NEK3: variants seen among roughly 807,000 people sequenced by gnomAD.
NEK3 encodes the protein serine/threonine-protein kinase Nek3.
In NEK3, 54 loss-of-function variants were observed where a neutral mutation model predicts 66.0. The observed-to-expected ratio is 0.82, with a 90% CI of 0.66 to 1.03. The LOEUF is 1.03. Among genes scored for constraint, NEK3 ranks in the 50% least tolerant of loss-of-function variants. NEK3 has a pLI of 0.00. For missense variants in NEK3, 593 were observed against 603.0 expected (o/e 0.98, Z 0.17); for synonymous variants, 200 against 206.2 (o/e 0.97, Z 0.26).
intron 8 of NEK3, among the ~76,000 whole-genome samples, chr13:52,146,116 C>T (rs1160631253): frequency 2.6e-5 from 4 of 151,940 alleles, no homozygotes; most frequent in Non-Finnish European, 4.4e-5. Flanking sequence ...TTCTGCTTGT[C>T]GAATCTTGCT....
chr13:52,157,935 T>A (rs779612540), intron 1 of NEK3, among the ~76,000 whole-genome samples: 6 of 152,248 alleles, frequency 3.9e-5, no homozygotes, highest in Non-Finnish European at 5.9e-5. Flanking sequence ...TGGAGTGCAA[T>A]GGTGCGATCT....
Position 52,151,139 on chromosome 13 carries a change from C to T in NEK3, c.548+7G>A. 1.9e-6 allele frequency: 3 copies of T among 1,600,824 alleles called. No individual in the cohort carries two copies. Among genetic ancestry groups the T allele is most frequent in the African/African-American group, 2.7e-5 (2 of 74,870 alleles). On this transcript the variant is annotated splice_region_variant and intron_variant, in intron 7 of 15. Coordinates refer to ENST00000610828, the MANE Select transcript of NEK3 (RefSeq NM_002498.3). ...GGGCACCCTGACATCAAATATGCAG[C>T]ACTCACCTTTTATTGTTATAAGGCA... is the stretch of plus-strand genomic sequence containing the variant.
chr13:52,133,387 CT>C (rs772545111), intron 15 of NEK3, among the ~76,000 whole-genome samples, 161 bp from the exon 16 acceptor site: 3 of 152,248 alleles, frequency 2.0e-5, no homozygotes, highest in South Asian at 2.1e-4. Context: ...CAAAAGATCA[CT>C]TCTTTGACTG....
In NEK3 at chr13:52,156,075, C is replaced by T; in HGVS notation, c.117G>A (p.Lys39=). Residue 39 remains lysine (K), a splice_region_variant and synonymous_variant, in exon 2 of 16, where the codon AAG becomes AAA. Coordinates refer to ENST00000610828, the MANE Select transcript of NEK3 (RefSeq NM_002498.3). The stretch of plus-strand genomic sequence containing the variant: ...GTGAGCTAATTTCTTTAGTAGTGAC[C>T]TTGGGAAGCCTTATTTCTTTCATGG... ...MFAMKEIRLP[K]SFSNTQNSRK... 6.3e-7 allele frequency: 1 copy of T among 1,580,492 alleles called. No individual in the cohort carries two copies. The highest frequency in any genetic ancestry group is 8.6e-7 in the Non-Finnish European group (1 of 1,157,232).
chr13:52,149,735 G>A (rs891511248), intron 7 of NEK3, among the ~76,000 whole-genome samples: 8 of 152,122 alleles, frequency 5.3e-5, no homozygotes, highest in Middle Eastern at 3.4e-3. Context: ...TGGGTGTGGC[G>A]GCGGGCGCCT....
chr13:52,147,009 G>A (rs1417687956), intron 8 of NEK3, among the ~76,000 whole-genome samples: 1 of 152,144 alleles, frequency 6.6e-6, no homozygotes, highest in African/African-American at 2.4e-5. Context: ...TGCAGTTGTT[G>A]TTCTATATAA....
chr13:52,141,036 T>C lies in NEK3; in HGVS notation c.911A>G (p.Asn304Ser), dbSNP rs940537126. 1.3e-5 allele frequency: 20 copies of C among 1,599,758 alleles called. No individual in the cohort carries two copies. Among genetic ancestry groups the C allele is most frequent in the Non-Finnish European group, 1.6e-5 (19 of 1,173,090 alleles). The change falls in exon 11 of 16, where the codon AAT becomes AGT. Residue 304 changes from asparagine (N) to serine (S), a missense_variant. Asn to Ser is a conservative substitution (Grantham distance 46). Coordinates refer to ENST00000610828, the MANE Select transcript of NEK3 (RefSeq NM_002498.3). Reference sequence around the variant, plus strand: ...AGCACTTACCACTGTGCTTGCTTCATTTCCCAAAGCTATCCTGATTCTGCT... The same window carrying C: ...AGCACTTACCACTGTGCTTGCTTCACTTCCCAAAGCTATCCTGATTCTGCT... ...NPSRIRIALG[N>S]EASTVQEEEQ...
intron 1 of NEK3, chr13:52,159,274 G>T (rs371716928): frequency 1.3e-5 from 2 of 152,092 alleles, no homozygotes; most frequent in African/African-American, 2.4e-5. Flanking sequence ...CACCGCGGGG[G>T]AGCCCAGTCG....
chr13:52,147,926 G>T (rs1180368171), intron 8 of NEK3, among the ~76,000 whole-genome samples: 1 of 152,164 alleles, frequency 6.6e-6, no homozygotes, highest in Non-Finnish European at 1.5e-5. Flanking sequence ...AACCCAGGAG[G>T]CGGAGGTTGC....
chr13:52,158,481 T>C (rs1249690428), intron 1 of NEK3, among the ~76,000 whole-genome samples: 1 of 152,196 alleles, frequency 6.6e-6, no homozygotes, highest in Non-Finnish European at 1.5e-5. Context: ...CGGTTTAACA[T>C]GGAAGCCAAG....
At position 52,133,077 on chromosome 13, in the gene NEK3, C is replaced by T; in HGVS notation, c.*65G>A. ...AATATACGTCGCATGAACTCATGAT[C>T]ATCTCAGCATGAACTCCTGAGTGAA... On this transcript the variant is annotated 3_prime_UTR_variant, in exon 16 of 16. Coordinates refer to ENST00000610828, the MANE Select transcript of NEK3 (RefSeq NM_002498.3). 1 of 1,246,996 alleles carries T rather than the reference C, an allele frequency of 8.0e-7. No individual in the cohort carries two copies. The highest frequency in any genetic ancestry group is 1.2e-6 in the Non-Finnish European group (1 of 864,606). 77.2% of individuals were successfully genotyped at this position (1,246,996 alleles called of 1,614,324 possible).
chr13:52,132,932 T>C lies in NEK3; in HGVS notation c.*210A>G, dbSNP rs551561932. 1.4e-4 allele frequency: 76 copies of C among 543,414 alleles called. No individual in the cohort carries two copies. In the South Asian group the frequency reaches 1.8e-3, roughly 13 times the overall value. 33.7% of individuals were successfully genotyped at this position (543,414 alleles called of 1,614,324 possible). A position where few individuals can be genotyped will look rare whatever the true frequency, so the allele number is the denominator to read the frequency against. Reference sequence around the variant, plus strand: ...CCCGATGCTCACACTCATTCCACTATACCTTCTCCCTTGAGTTCAAAAACT... The same window carrying C: ...CCCGATGCTCACACTCATTCCACTACACCTTCTCCCTTGAGTTCAAAAACT... On this transcript the variant is annotated 3_prime_UTR_variant, in exon 16 of 16. Coordinates refer to ENST00000610828, the MANE Select transcript of NEK3 (RefSeq NM_002498.3).
chr13:52,153,198 G>A (rs1259510961), intron 4 of NEK3, among the ~76,000 whole-genome samples: 1 of 152,030 alleles, frequency 6.6e-6, no homozygotes, highest in Admixed American at 6.6e-5. Flanking sequence ...GGGGCCTACA[G>A]TTAAATGTCA....
intron 1 of NEK3, among the ~76,000 whole-genome samples, chr13:52,158,096 C>T (rs1278352972): frequency 1.3e-5 from 2 of 152,182 alleles, no homozygotes; most frequent in Non-Finnish European, 1.5e-5. Flanking sequence ...AGGCTGGGCT[C>T]GAACTCCCGA....
In NEK3 at chr13:52,133,760, A is replaced by G. The variant is rs572706451; in HGVS notation, c.1365T>C (p.Ser455=). ...TGACAGAATCGTGACCTCCATCAAC[A>G]CTGTCCGATGCTTCTGTTTCTTCAG... is the stretch of plus-strand genomic sequence containing the variant. ...PLSEETEASD[S]VDGGHDSVIL... The change falls in exon 15 of 16, where the codon AGT becomes AGC. Residue 455 remains serine, a synonymous_variant. Coordinates refer to ENST00000610828, the MANE Select transcript of NEK3 (RefSeq NM_002498.3). The G allele has an allele frequency of 3.1e-6, 5 of 1,590,074 alleles. No individual in the cohort carries two copies. The South Asian group carries it at 4.6e-5, about 15-fold the overall frequency.
intron 11 of NEK3, among the ~76,000 whole-genome samples, chr13:52,137,116 T>C (rs1023659805): frequency 6.6e-6 from 1 of 152,050 alleles, no homozygotes; most frequent in Non-Finnish European, 1.5e-5. Context: ...AAAACCTACA[T>C]ACATGTATAT....
chr13:52,141,253 T>C (rs1348969696), intron 10 of NEK3, among the ~76,000 whole-genome samples, 184 bp from the exon 11 acceptor site: 2 of 152,230 alleles, frequency 1.3e-5, no homozygotes, highest in Non-Finnish European at 2.9e-5. Context: ...ATCTCAGTTA[T>C]TGAAAGAGGC....
Position 52,154,078 on chromosome 13 carries a change from A to C in NEK3, c.211+2T>G, listed in dbSNP as rs1327041034. 6.2e-7 allele frequency: 1 copy of C among 1,608,388 alleles called. No individual in the cohort carries two copies. Among genetic ancestry groups the C allele is most frequent in the Non-Finnish European group, 8.5e-7 (1 of 1,175,802 alleles). The stretch of plus-strand genomic sequence containing the variant: ...CACATATCTGGGGGAATTCGTATTT[A>C]CCTTCAAATGATTCTTTGAAGGCAA... On this transcript the variant is annotated splice_donor_variant, in intron 3 of 15. Transcript: ENST00000610828. LOFTEE classifies it high-confidence loss of function.
chr13:52,141,944 A>T (rs979010719), intron 10 of NEK3, among the ~76,000 whole-genome samples: 2 of 150,114 alleles, frequency 1.3e-5, no homozygotes, highest in African/African-American at 4.9e-5. Context: ...AAAATTAGCC[A>T]GGTATGGTGG....
Sources: gnomAD v4.1 joint callset for allele counts (sites outside exome capture counted in the v4.1 genomes callset) on GRCh38, gnomAD v4.1.1 for gene constraint, MANE v1.5 for transcripts, NCBI Gene and HGNC (gene_info 2026-07-23, HGNC 2026-07-21) for gene names.